The following SH3PXD2B variants were observed in gnomAD, a reference collection of about 807,000 sequenced individuals.
SH3PXD2B encodes the protein SH3 and PX domains 2B, also known as SH3 and PX domain-containing protein 2B.
In SH3PXD2B, 37 loss-of-function variants were observed where a neutral mutation model predicts 73.1. The observed-to-expected ratio is 0.51, with a 90% CI of 0.39 to 0.67. The LOEUF (loss-of-function observed/expected upper bound fraction) is 0.67, where lower values mean the gene tolerates loss of function less well. SH3PXD2B is among the 30% of genes least tolerant of loss of function. The probability of loss-of-function intolerance (pLI) is 0.00; values close to 1 mark genes in which losing one functional copy is unlikely to be tolerated. For missense variants in SH3PXD2B, 1,053 were observed against 1,197.8 expected, an observed-to-expected ratio of 0.88 and a Z score of 1.78; for synonymous variants, 457 against 480.5, an observed-to-expected ratio of 0.95 and a Z score of 0.64.
chr5:172,376,791 C>T (rs963547978), intron 5 of SH3PXD2B, among the ~76,000 whole-genome samples: 2 of 152,210 alleles, frequency 1.3e-5, no homozygotes, highest in Non-Finnish European at 2.9e-5. Context: ...TGCCTCACTG[C>T]GTCCGCATAC....
chr5:172,358,969 G>A (rs576037588), intron 7 of SH3PXD2B, 92 bp from the exon 8 acceptor site: 2 of 1,166,846 alleles, frequency 1.7e-6, no homozygotes, highest in East Asian at 5.1e-5. Context: ...CTGTACCAGT[G>A]AATGCACAGG....
intron 2 of SH3PXD2B, among the ~76,000 whole-genome samples, chr5:172,412,727 A>G (rs1376573147): frequency 1.3e-5 from 2 of 152,222 alleles, no homozygotes; most frequent in Non-Finnish European, 2.9e-5. Flanking sequence ...GACCAGGCCC[A>G]GGCTGTCTGC....
intron 2 of SH3PXD2B, among the ~76,000 whole-genome samples, chr5:172,416,656 G>A (rs1454939662): frequency 7.3e-6 from 1 of 136,892 alleles, no homozygotes; most frequent in Non-Finnish European, 1.5e-5. Context: ...TTTTAAAAAG[G>A]ACCTTTTCAT....
chr5:172,335,065 C>T lies in SH3PXD2B; in HGVS notation c.*3304G>A. Reference sequence around the variant, plus strand: ...AGTCTCAGCTGGGACGACATACACCCACCAATGGCAAAGAAAGATTCCGAG... The same window carrying T: ...AGTCTCAGCTGGGACGACATACACCTACCAATGGCAAAGAAAGATTCCGAG... On this transcript the variant is annotated 3_prime_UTR_variant, in exon 13 of 13. Transcript: ENST00000311601. The T allele has an allele frequency of 1.0e-6, 1 of 985,520 alleles. No individual in the cohort carries two copies. 61.0% of individuals were successfully genotyped at this position (985,520 alleles called of 1,614,324 possible).
chr5:172,413,814 A>G (rs556220941), intron 2 of SH3PXD2B, among the ~76,000 whole-genome samples: 155 of 152,262 alleles, frequency 1.0e-3, no homozygotes, highest in Non-Finnish European at 2.0e-3. Context: ...CCATTTAAGT[A>G]TGCACAACAC....
chr5:172,369,530 G>A (rs1757654974), intron 6 of SH3PXD2B, among the ~76,000 whole-genome samples: 3 of 152,118 alleles, frequency 2.0e-5, no homozygotes, highest in African/African-American at 7.2e-5. Flanking sequence ...AGCACTTTGG[G>A]AGGCCGAGGT....
intron 5 of SH3PXD2B, 102 bp from the exon 6 acceptor site, chr5:172,373,917 A>G: frequency 7.8e-7 from 1 of 1,283,846 alleles, no homozygotes; most frequent in Non-Finnish European, 1.1e-6. Flanking sequence ...CACCCCCCAC[A>G]ACATCATCAG....
chr5:172,418,743 ACT>A (rs1168538699), intron 2 of SH3PXD2B, among the ~76,000 whole-genome samples: 2 of 151,880 alleles, frequency 1.3e-5, no homozygotes, highest in African/African-American at 4.8e-5. Context: ...TCCATCTGGG[ACT>A]CTGAGCCTGG....
chr5:172,384,173 C>CTTATA (rs1758008962), intron 4 of SH3PXD2B, among the ~76,000 whole-genome samples: 1 of 152,046 alleles, frequency 6.6e-6, no homozygotes, highest in Non-Finnish European at 1.5e-5. Flanking sequence ...ATAACCAGCC[C>CTTATA]TTAATAGCTC....
downstream of SH3PXD2B, among the ~76,000 whole-genome samples, chr5:172,331,442 G>A (rs1265393689): frequency 1.3e-5 from 2 of 152,292 alleles, no homozygotes; most frequent in South Asian, 2.1e-4. Flanking sequence ...TAAAATTTGA[G>A]AGCCATTGAT....
At chr5:172,377,496 G>T (rs982006745) in intron 5 of SH3PXD2B, among the ~76,000 whole-genome samples, 2 of 152,166 alleles carry the variant, frequency 1.3e-5, no homozygotes, top group Non-Finnish European at 2.9e-5. Flanking sequence ...AGACAGGAAG[G>T]CATCACTAGG....
intron 5 of SH3PXD2B, among the ~76,000 whole-genome samples, chr5:172,379,709 T>G (rs180874844): frequency 3.4e-4 from 52 of 152,338 alleles, no homozygotes; most frequent in Admixed American, 7.8e-4. Context: ...TTTTTCCCTG[T>G]GGCAGTCACT....
chr5:172,362,911 G>A, intron 6 of SH3PXD2B, 42 bp from the exon 7 acceptor site: 3 of 1,613,046 alleles, frequency 1.9e-6, no homozygotes, highest in Non-Finnish European at 2.5e-6. Context: ...CACCACTCAT[G>A]CATGAAAGAG....
intron 7 of SH3PXD2B, among the ~76,000 whole-genome samples, chr5:172,359,259 T>C (rs1265238010): frequency 6.6e-6 from 1 of 151,724 alleles, no homozygotes; most frequent in Non-Finnish European, 1.5e-5. Flanking sequence ...TGGTGGTGCA[T>C]GCTTGTAGTC....
At position 172,336,726 on chromosome 5, in the gene SH3PXD2B, T is replaced by A; in HGVS notation, c.*1643A>T. ...GGGGCGGGGCAGGGCAGGGCAGGGC[T>A]GCCTCGGTCGGGTAGAATGGGAAGG... On this transcript the variant is annotated 3_prime_UTR_variant, in exon 13 of 13. Transcript: ENST00000311601. 1 of 985,544 alleles carries A rather than the reference T, an allele frequency of 1.0e-6. No individual in the cohort carries two copies. Among genetic ancestry groups the A allele is most frequent in the Non-Finnish European group, 1.2e-6 (1 of 830,134 alleles). The allele number at this position is 985,544 out of a possible 1,614,324, so 61.0% of individuals were successfully genotyped here. A position where few individuals can be genotyped will look rare whatever the true frequency, so the allele number is the denominator to read the frequency against.
chr5:172,417,944 A>G (rs1758863866), intron 2 of SH3PXD2B, among the ~76,000 whole-genome samples: 1 of 152,222 alleles, frequency 6.6e-6, no homozygotes, highest in Non-Finnish European at 1.5e-5. Context: ...CATTAGCAGT[A>G]TCTTCCCGTT....
intron 8 of SH3PXD2B, among the ~76,000 whole-genome samples, chr5:172,358,074 G>A (rs779366513): frequency 6.6e-6 from 1 of 152,238 alleles, no homozygotes; most frequent in South Asian, 2.1e-4. Flanking sequence ...GAGAGGCTGA[G>A]GCTTAGAGAG....
At chr5:172,375,304 G>A (rs1757798587) in intron 5 of SH3PXD2B, among the ~76,000 whole-genome samples, 1 of 152,158 alleles carries the variant, frequency 6.6e-6, no homozygotes, top group East Asian at 1.9e-4. Context: ...AGGCTGCAGT[G>A]AGCCGAGATC....
chr5:172,427,952 AT>A, intron 1 of SH3PXD2B, among the ~76,000 whole-genome samples: 1 of 151,736 alleles, frequency 6.6e-6, no homozygotes, highest in Middle Eastern at 3.4e-3. Context: ...AATTTTTTGT[AT>A]TTTTAGTAGA....
Sources: gnomAD v4.1 joint callset for allele counts (sites outside exome capture counted in the v4.1 genomes callset) on GRCh38, gnomAD v4.1.1 for gene constraint, MANE v1.5 for transcripts, NCBI Gene and HGNC (gene_info 2026-07-23, HGNC 2026-07-21) for gene names.